Variants in PRICKLE2 observed in about 807,000 individuals in gnomAD.
PRICKLE2 encodes the protein prickle-like protein 2.
Under a neutral mutation model 81.4 loss-of-function variants are expected in PRICKLE2, and 21 were observed. The ratio of observed to expected loss-of-function variants is 0.26; its 90% CI spans 0.18 to 0.37. The LOEUF (loss-of-function observed/expected upper bound fraction) is 0.37, where lower values mean the gene tolerates loss of function less well. Ranked by LOEUF, PRICKLE2 falls within the 10% of genes least tolerant of loss-of-function variation. The pLI is 1.00. For missense variants in PRICKLE2, 940 were observed against 1,109.0 expected, an observed-to-expected ratio of 0.85 and a Z score of 2.16; for synonymous variants, 456 against 421.5, an observed-to-expected ratio of 1.08 and a Z score of -1.00.
At chr3:64,117,910 AAAGAAC>A (rs1168166822) in intron 7 of PRICKLE2, among the ~76,000 whole-genome samples, 2 of 152,228 alleles carry the variant, frequency 1.3e-5, no homozygotes. Context: ...CCTAAGCAAA[AAAGAAC>A]AAAGCAGAAG....
At chr3:64,102,428 T>G (rs917559621) in intron 7 of PRICKLE2, 1 of 152,228 alleles carries the variant, frequency 6.6e-6, no homozygotes, top group African/African-American at 2.4e-5. Flanking sequence ...TAAACCCTGT[T>G]GTGAACTGCT....
At chr3:64,112,143 G>C (rs1215096992) in intron 7 of PRICKLE2, among the ~76,000 whole-genome samples, 3 of 151,808 alleles carry the variant, frequency 2.0e-5, no homozygotes, top group African/African-American at 4.8e-5. Context: ...TTTTAAGTTG[G>C]GATACACCAG....
At chr3:64,163,404 G>C (rs543441953) in intron 2 of PRICKLE2, 2 of 495,194 alleles carry the variant, frequency 4.0e-6, no homozygotes, top group East Asian at 7.6e-5. Context: ...GAATTCAGCA[G>C]ACATGCTGGT....
At chr3:64,193,075 A>G (rs2078376035) in intron 2 of PRICKLE2, among the ~76,000 whole-genome samples, 1 of 152,188 alleles carries the variant, frequency 6.6e-6, no homozygotes, top group African/African-American at 2.4e-5. Context: ...CTAAAACCTT[A>G]GAGAAGCTTA....
Position 64,099,297 on chromosome 3 carries a change from G to T in PRICKLE2, c.2289C>A (p.Asp763Glu). The change falls in exon 8 of 8, where the codon GAC becomes GAA. Residue 763 changes from aspartate (D) to glutamate (E), a missense_variant. Transcript: ENST00000638394. This position sits in a 1 kb window ranked among gnomAD's most constrained non-coding sequence, Gnocchi z 4.3. Reference protein sequence around the residue: ...SDLALQNAFGDRWGPYFAEYD... With the variant: ...SDLALQNAFGERWGPYFAEYD... ...ACTCGGCGAAGTAGGGTCCCCAGCG[G>T]TCCCCAAAGGCATTCTGCAAAGCCA... is the stretch of plus-strand genomic sequence containing the variant. 6.2e-7 allele frequency: 1 copy of T among 1,614,226 alleles called. No homozygotes were observed. Among genetic ancestry groups the T allele is most frequent in the Non-Finnish European group, 8.5e-7 (1 of 1,180,042 alleles).
intron 1 of PRICKLE2, among the ~76,000 whole-genome samples, chr3:64,216,418 T>G (rs139357687): frequency 1.8e-4 from 28 of 152,316 alleles, no homozygotes; most frequent in African/African-American, 6.7e-4. Context: ...ACTGGTTAAG[T>G]GCAAAAGACC....
chr3:64,146,357 G>T (rs574936129), intron 7 of PRICKLE2: 12 of 191,910 alleles, frequency 6.3e-5, no homozygotes, highest in African/African-American at 2.1e-4. Flanking sequence ...TGTTTACAGG[G>T]AAGCCCATCA....
intron 6 of PRICKLE2, among the ~76,000 whole-genome samples, chr3:64,150,115 G>A (rs1383562729): frequency 6.6e-6 from 1 of 151,908 alleles, no homozygotes; most frequent in Non-Finnish European, 1.5e-5. Context: ...CAGACCCTTG[G>A]GAGAAAGCTG....
chr3:64,115,164 C>T (rs1201776032), intron 7 of PRICKLE2, among the ~76,000 whole-genome samples: 1 of 152,122 alleles, frequency 6.6e-6, no homozygotes, highest in Non-Finnish European at 1.5e-5. Flanking sequence ...GGAATTTGTT[C>T]CCACTAGACC....
chr3:64,262,241 T>C (rs1322870431), intron 2 of PRICKLE2, among the ~76,000 whole-genome samples: 1 of 152,040 alleles, frequency 6.6e-6, no homozygotes, highest in East Asian at 1.9e-4. Context: ...GAAGTAGAAC[T>C]GAAAGGACTT....
intron 2 of PRICKLE2, among the ~76,000 whole-genome samples, chr3:64,233,547 G>C (rs1305010583): frequency 6.6e-6 from 1 of 152,132 alleles, no homozygotes; most frequent in Admixed American, 6.5e-5. Flanking sequence ...CATGTGGCTT[G>C]CTCTGTCACT....
intron 2 of PRICKLE2, among the ~76,000 whole-genome samples, chr3:64,267,652 G>T (rs935313366): frequency 1.3e-5 from 2 of 151,908 alleles, no homozygotes; most frequent in Non-Finnish European, 2.9e-5. Context: ...ATCGCCTCGT[G>T]ATATTATGAT....
In PRICKLE2 at chr3:64,099,483, C is replaced by A. The variant is rs200220646; in HGVS notation, c.2103G>T (p.Leu701=). 529 of 1,587,990 alleles carry A rather than the reference C, an allele frequency of 3.3e-4. 3 individuals are homozygous for A. The Middle Eastern group carries it at 0.013, about 39-fold the overall frequency. ...GGGAGATGGCCTCGCGTTCGCTGGC[C>A]AGGTGGAGGGCGTTGTCGGAGCGAG... is the stretch of plus-strand genomic sequence containing the variant. ...RRSRSDNALH[L]ASEREAISRL... is the part of the protein sequence containing the mutation. Residue 701 remains leucine (L), a synonymous_variant, in exon 8 of 8, where the codon CTG becomes CTT. Coordinates refer to ENST00000638394, the MANE Select transcript of PRICKLE2 (RefSeq NM_198859.4). The surrounding 1 kb of genome is among the most constrained non-coding windows in gnomAD (Gnocchi z 4.3).
At chr3:64,210,276 T>C (rs888390745) in intron 1 of PRICKLE2, among the ~76,000 whole-genome samples, 5 of 152,168 alleles carry the variant, frequency 3.3e-5, no homozygotes, top group Non-Finnish European at 5.9e-5. Flanking sequence ...CTTAACTCCC[T>C]GCCCCTAGCC....
At chr3:64,151,362 T>G (rs2077544424) in intron 6 of PRICKLE2, among the ~76,000 whole-genome samples, 1 of 152,140 alleles carries the variant, frequency 6.6e-6, no homozygotes, top group Admixed American at 6.5e-5. Context: ...CTTTAATGGA[T>G]TTAATAGGAA....
intron 7 of PRICKLE2, among the ~76,000 whole-genome samples, chr3:64,127,789 A>G (rs2077133321): frequency 6.6e-6 from 1 of 151,762 alleles, no homozygotes; most frequent in South Asian, 2.1e-4. Context: ...TGCTCAAGAT[A>G]ACCTGTAAAG....
intron 7 of PRICKLE2, among the ~76,000 whole-genome samples, chr3:64,114,964 T>C (rs1309197621): frequency 6.6e-6 from 1 of 152,152 alleles, no homozygotes; most frequent in African/African-American, 2.4e-5. Context: ...GATCAGGTCA[T>C]CTACAAAAGG....
intron 7 of PRICKLE2, among the ~76,000 whole-genome samples, chr3:64,129,504 C>T (rs139211900): frequency 3.3e-5 from 5 of 151,920 alleles, no homozygotes; most frequent in South Asian, 2.1e-4. Flanking sequence ...ATAAAAAATT[C>T]GGGAATGCTG....
At chr3:64,264,646 G>A (rs1216649916) in intron 2 of PRICKLE2, among the ~76,000 whole-genome samples, 1 of 152,212 alleles carries the variant, frequency 6.6e-6, no homozygotes, top group Admixed American at 6.5e-5. Flanking sequence ...AGCCTGAACA[G>A]AGCCTCAATC....
Sources: gnomAD v4.1 joint callset for allele counts (sites outside exome capture counted in the v4.1 genomes callset) on GRCh38, gnomAD v4.1.1 for gene constraint, Gnocchi (gnomAD v3.1) non-coding constraint, MANE v1.5 for transcripts, NCBI Gene and HGNC (gene_info 2026-07-23, HGNC 2026-07-21) for gene names.